The following DNAJC5B variants were observed in gnomAD, a reference collection of about 807,000 sequenced individuals.
DNAJC5B encodes the protein DnaJ heat shock protein family (Hsp40) member C5 beta.
Under a neutral mutation model 24.7 loss-of-function variants are expected in DNAJC5B, and 23 were observed. The ratio of observed to expected loss-of-function variants is 0.93; its 90% CI spans 0.67 to 1.32. DNAJC5B has a LOEUF of 1.32. Among genes scored for constraint, DNAJC5B ranks in the 40% most tolerant of loss-of-function variants. The pLI is 0.00. For missense variants in DNAJC5B, 238 were observed against 240.8 expected, an observed-to-expected ratio of 0.99 and a Z score of 0.08; for synonymous variants, 101 against 90.1, an observed-to-expected ratio of 1.12 and a Z score of -0.68.
chr8:66,064,206 A>C (rs1807141413), intron 3 of DNAJC5B, among the ~76,000 whole-genome samples: 1 of 152,216 alleles, frequency 6.6e-6, no homozygotes, highest in Non-Finnish European at 1.5e-5. Context: ...AGGAAGAATA[A>C]GAAAGTGAGA....
chr8:66,072,304 A>G (rs941807071), intron 3 of DNAJC5B, among the ~76,000 whole-genome samples: 1 of 152,230 alleles, frequency 6.6e-6, no homozygotes, highest in Non-Finnish European at 1.5e-5. Context: ...TTTAAGGAGA[A>G]ATCTGCAAAC....
At chr8:66,072,902 G>T (rs1287548176) in intron 3 of DNAJC5B, among the ~76,000 whole-genome samples, 1 of 152,036 alleles carries the variant, frequency 6.6e-6, no homozygotes, top group Non-Finnish European at 1.5e-5. Context: ...AGAGAAACAA[G>T]ATATCTCCTC....
rs886346703 is a variant in DNAJC5B, at chr8:66,024,421, T to A, written c.-142+2716T>A. ...TCAGGATTCTTTTTTTTTTTTTTTTTAATGTTTTTTTTTTATTATTATACT... is the reference window on the plus strand; with the variant it reads ...TCAGGATTCTTTTTTTTTTTTTTTTAAATGTTTTTTTTTTATTATTATACT... On this transcript the variant is annotated intron_variant, in intron 1 of 5. Transcript: ENST00000276570. Among the ~76,000 whole-genome samples the A allele has an allele frequency of 4.7e-4, 59 of 124,722 alleles. 2 individuals carry two copies. In the South Asian group the frequency reaches 0.011, roughly 23 times the overall value. The allele number at this position is 124,722 out of a possible 152,430, so 81.8% of individuals were successfully genotyped here. A position where few individuals can be genotyped will look rare whatever the true frequency, so the allele number is the denominator to read the frequency against.
At chr8:66,049,611 T>C (rs1232669986) in intron 2 of DNAJC5B, among the ~76,000 whole-genome samples, 2 of 152,360 alleles carry the variant, frequency 1.3e-5, no homozygotes, top group African/African-American at 2.4e-5. Flanking sequence ...CACACAATGA[T>C]AAAATCCCCT....
intron 1 of DNAJC5B, among the ~76,000 whole-genome samples, chr8:66,036,871 C>T (rs1269644713): frequency 1.3e-5 from 2 of 152,182 alleles, no homozygotes; most frequent in Non-Finnish European, 2.9e-5. Flanking sequence ...TGGATGTTCA[C>T]GCCCAGGGCC....
chr8:66,036,692 T>C (rs1046304494), intron 1 of DNAJC5B, among the ~76,000 whole-genome samples: 1 of 152,220 alleles, frequency 6.6e-6, no homozygotes, highest in East Asian at 1.9e-4. Context: ...GGCACCACAG[T>C]CATACTGAAT....
intron 3 of DNAJC5B, among the ~76,000 whole-genome samples, chr8:66,074,638 A>G (rs1432460133): frequency 2.6e-5 from 4 of 152,232 alleles, no homozygotes; most frequent in African/African-American, 9.6e-5. Flanking sequence ...AAATGCCTTT[A>G]ACAATGGATA....
intron 5 of DNAJC5B, among the ~76,000 whole-genome samples, chr8:66,091,628 C>A (rs78066081): frequency 0.082 from 12,530 of 151,982 alleles, 879 homozygotes; most frequent in African/African-American, 0.18. Context: ...TCAAAGAAAC[C>A]CAAACTGAGA....
intron 5 of DNAJC5B, among the ~76,000 whole-genome samples, chr8:66,085,799 A>C (rs1807711818): frequency 6.6e-6 from 1 of 151,984 alleles, no homozygotes; most frequent in South Asian, 2.1e-4. Flanking sequence ...TTTCCATATA[A>C]ATTTTAGAAT....
Position 66,080,451 on chromosome 8 carries a change from CTGTGGACACTGCCGGCCCGAGTCATCAG to C in DNAJC5B, c.411_438del (p.Gly138GlnfsTer41). On this transcript the variant is annotated frameshift_variant, in exon 5 of 6. Coordinates refer to ENST00000276570, the MANE Select transcript of DNAJC5B (RefSeq NM_033105.6). LOFTEE classifies it high-confidence loss of function. Reference sequence around the variant, plus strand: ...GCCTGTGCTGCTGCTGCAACTGCTGCTGTGGACACTGCCGGCCCGAGTCATCAGTGCCAGAAGAGGACTTCTATGTGTC... The same window carrying C: ...GCCTGTGCTGCTGCTGCAACTGCTGCTGCCAGAAGAGGACTTCTATGTGTC... The C allele has an allele frequency of 6.2e-7, 1 of 1,614,102 alleles. No individual in the cohort carries two copies. Among genetic ancestry groups the C allele is most frequent in the Non-Finnish European group, 8.5e-7 (1 of 1,180,016 alleles).
chr8:66,072,276 A>T (rs141870198), intron 3 of DNAJC5B, among the ~76,000 whole-genome samples: 1 of 152,332 alleles, frequency 6.6e-6, no homozygotes, highest in African/African-American at 2.4e-5. Flanking sequence ...AATATACAAA[A>T]CAAAGAGTTG....
At position 66,080,391 on chromosome 8, in the gene DNAJC5B, C is replaced by G. The variant is rs377233329; in HGVS notation, c.348C>G (p.Ile116Met). The stretch of plus-strand genomic sequence containing the variant: ...TGTTTCCCTAGGCCCTGTTTGTCAT[C>G]GTTGGCCTCTTGACGGGCTGCTACT... ...SSWWAKALFV[I>M]VGLLTGCYFC... The change falls in exon 5 of 6, where the codon ATC becomes ATG. Residue 116 changes from isoleucine (I) to methionine (M), a missense_variant. Ile to Met is a conservative substitution (Grantham distance 10, BLOSUM62 1). Coordinates refer to ENST00000276570, the MANE Select transcript of DNAJC5B (RefSeq NM_033105.6). 1 of 1,612,876 alleles carries G rather than the reference C, an allele frequency of 6.2e-7. No homozygotes were observed. Among genetic ancestry groups the G allele is most frequent in the South Asian group, 1.1e-5 (1 of 90,908 alleles).
intron 1 of DNAJC5B, among the ~76,000 whole-genome samples, chr8:66,033,442 T>A (rs1279549274): frequency 6.6e-6 from 1 of 152,238 alleles, no homozygotes; most frequent in African/African-American, 2.4e-5. Flanking sequence ...GGAAGTGGCT[T>A]TGGCTCATAT....
intron 5 of DNAJC5B, among the ~76,000 whole-genome samples, chr8:66,081,723 A>C (rs1432805900): frequency 6.6e-6 from 1 of 151,956 alleles, no homozygotes; most frequent in African/African-American, 2.4e-5. Context: ...CAGGCTTGGG[A>C]GCTTAGAGAG....
intron 1 of DNAJC5B, among the ~76,000 whole-genome samples, chr8:66,036,551 G>A (rs987661736): frequency 3.3e-5 from 5 of 152,222 alleles, no homozygotes; most frequent in African/African-American, 9.6e-5. Flanking sequence ...TGTTTTCCTC[G>A]GCAGCTCTCG....
chr8:66,022,119 C>T (rs1018746569), intron 1 of DNAJC5B, among the ~76,000 whole-genome samples: 2 of 152,146 alleles, frequency 1.3e-5, no homozygotes, highest in African/African-American at 4.8e-5. Flanking sequence ...AAGGATACCC[C>T]TATAAAGAGT....
At chr8:66,050,280 C>G (rs1408494554) in intron 2 of DNAJC5B, among the ~76,000 whole-genome samples, 1 of 152,130 alleles carries the variant, frequency 6.6e-6, no homozygotes, top group Non-Finnish European at 1.5e-5. Context: ...TGACCAAAAC[C>G]TAGCTGAAAC....
chr8:66,083,195 T>C (rs1384453911), intron 5 of DNAJC5B, among the ~76,000 whole-genome samples: 1 of 151,862 alleles, frequency 6.6e-6, no homozygotes, highest in Non-Finnish European at 1.5e-5. Context: ...GTATTTTTAG[T>C]AGAGATTGGG....
chr8:66,038,542 A>G (rs1806537858), intron 1 of DNAJC5B, among the ~76,000 whole-genome samples: 1 of 152,254 alleles, frequency 6.6e-6, no homozygotes, highest in African/African-American at 2.4e-5. Context: ...AACAATTTGC[A>G]GAGCAACTTC....
Sources: gnomAD v4.1 joint callset for allele counts (sites outside exome capture counted in the v4.1 genomes callset) on GRCh38, gnomAD v4.1.1 for gene constraint, MANE v1.5 for transcripts, NCBI Gene and HGNC (gene_info 2026-07-23, HGNC 2026-07-21) for gene names.